Variants in EML4 observed in about 807,000 individuals in gnomAD.
EML4 encodes the protein echinoderm microtubule-associated protein-like 4.
In EML4, 72 loss-of-function variants were observed where a neutral mutation model predicts 129.0. The ratio of observed to expected loss-of-function variants is 0.56; its 90% CI spans 0.46 to 0.68. The LOEUF is 0.68. Ranked by LOEUF, EML4 falls within the 30% of genes least tolerant of loss-of-function variation. The pLI is 0.00. For missense variants in EML4, 1,363 were observed against 1,190.6 expected (o/e 1.14, Z -2.13); for synonymous variants, 532 against 405.0 (o/e 1.31, Z -3.77).
intron 1 of EML4, among the ~76,000 whole-genome samples, chr2:42,170,675 A>G (rs1234927656): frequency 1.3e-5 from 2 of 152,256 alleles, no homozygotes; most frequent in Non-Finnish European, 2.9e-5. Context: ...TGAGAGAAAC[A>G]GTTTCAGCTT....
At chr2:42,229,982 G>T (rs182253114) in intron 1 of EML4, among the ~76,000 whole-genome samples, 1 of 151,406 alleles carries the variant, frequency 6.6e-6, no homozygotes, top group Non-Finnish European at 1.5e-5. Context: ...GAAGAGGAGA[G>T]AGATACCGAT....
intron 19 of EML4, among the ~76,000 whole-genome samples, chr2:42,318,166 T>C (rs1669338554): frequency 6.6e-6 from 1 of 152,204 alleles, no homozygotes; most frequent in Admixed American, 6.5e-5. Flanking sequence ...ACAGTCCAAC[T>C]CAGGCCAGGA....
chr2:42,317,608 T>G, intron 19 of EML4, 84 bp downstream of exon 19: 2 of 873,636 alleles, frequency 2.3e-6, no homozygotes, highest in East Asian at 2.5e-5. Context: ...GATGTGTGTG[T>G]TGTTTCCTGT....
At chr2:42,183,490 A>G (rs1056028177) in intron 1 of EML4, among the ~76,000 whole-genome samples, 1 of 152,194 alleles carries the variant, frequency 6.6e-6, no homozygotes, top group Non-Finnish European at 1.5e-5. Context: ...GGGATACAAA[A>G]CAGGTAGTTA....
chr2:42,257,994 A>G (rs914116997), intron 3 of EML4, among the ~76,000 whole-genome samples: 4 of 152,192 alleles, frequency 2.6e-5, no homozygotes, highest in Non-Finnish European at 5.9e-5. Context: ...TTTTAGTACA[A>G]TTTTAAATAA....
intron 6 of EML4, among the ~76,000 whole-genome samples, chr2:42,271,804 G>A (rs920137489): frequency 1.3e-5 from 2 of 152,132 alleles, no homozygotes; most frequent in Non-Finnish European, 2.9e-5. Context: ...TTCATAGTTA[G>A]AAATCTGTGC....
At position 42,169,607 on chromosome 2, in the gene EML4, GC is replaced by G; in HGVS notation, c.-4del. 6.3e-7 allele frequency: 1 copy of G among 1,598,726 alleles called. No homozygotes were observed. ...AAGCCCGGAGCCCGGCGCTTTCCCC[GC>G]AAGATGGACGGTTTCGCCGGCAGTC... On this transcript the variant is annotated 5_prime_UTR_variant, in exon 1 of 23. Transcript: ENST00000318522.
chr2:42,239,053 G>T (rs1042355420), intron 1 of EML4, among the ~76,000 whole-genome samples: 1 of 152,140 alleles, frequency 6.6e-6, no homozygotes, highest in African/African-American at 2.4e-5. Flanking sequence ...ATAGGCCTGA[G>T]CCATGGTTCT....
At chr2:42,183,042 G>C (rs1270248502) in intron 1 of EML4, among the ~76,000 whole-genome samples, 1 of 152,170 alleles carries the variant, frequency 6.6e-6, no homozygotes, top group East Asian at 1.9e-4. Context: ...TGTGATACCA[G>C]GTATCAGGAG....
chr2:42,279,316 G>T (rs1666869728), intron 6 of EML4, among the ~76,000 whole-genome samples: 1 of 152,144 alleles, frequency 6.6e-6, no homozygotes, highest in Admixed American at 6.5e-5. Flanking sequence ...ACCCAGTAGT[G>T]GGATTGCAGC....
Position 42,304,441 on chromosome 2 carries a change from A to T in EML4, c.1900-43A>T, listed in dbSNP as rs377273966. The T allele has an allele frequency of 1.4e-4, 208 of 1,509,824 alleles. 1 individual carries two copies. The highest frequency in any genetic ancestry group is 5.6e-4 in the Admixed American group (33 of 59,182). The allele number at this position is 1,509,824 out of a possible 1,614,324, so 93.5% of individuals were successfully genotyped here. On this transcript the variant is annotated intron_variant, in intron 16 of 22. Transcript: ENST00000318522. ...TTTTTGCTACTGTCCCCATAGGGAG[A>T]CTTTCTCATGTACTCCCCAACAGCT...
chr2:42,298,885 C>G (rs192295479), intron 13 of EML4, among the ~76,000 whole-genome samples: 9 of 152,286 alleles, frequency 5.9e-5, no homozygotes, highest in Admixed American at 5.9e-4. Flanking sequence ...TCAGGCTACT[C>G]TTGTTAGTTT....
intron 13 of EML4, among the ~76,000 whole-genome samples, chr2:42,296,620 C>G (rs1036527973): frequency 2.8e-4 from 42 of 152,156 alleles, no homozygotes; most frequent in Non-Finnish European, 4.1e-4. Flanking sequence ...TTTCCCTGGG[C>G]TAGCACAGTG....
chr2:42,243,012 A>G (rs1675140812), intron 1 of EML4, among the ~76,000 whole-genome samples: 1 of 152,142 alleles, frequency 6.6e-6, no homozygotes, highest in Admixed American at 6.6e-5. Context: ...TCCTGGGATC[A>G]AGCGATCCGC....
At position 42,303,218 on chromosome 2, in the gene EML4, A is replaced by G. The variant is rs757805894; in HGVS notation, c.1756A>G (p.Ile586Val). ...LRGTFNDGFQ[I>V]EVQGHTDELW... ...AGGAACATTTAATGATGGCTTCCAA[A>G]TAGAAGTACAGGTAAGCTGTGTGAT... Residue 586 changes from isoleucine (I) to valine (V), a missense_variant, in exon 15 of 23, where the codon ATA becomes GTA. Transcript: ENST00000318522. 1 of 1,614,218 alleles carries G rather than the reference A, an allele frequency of 6.2e-7. No individual in the cohort carries two copies. Among genetic ancestry groups the G allele is most frequent in the Non-Finnish European group, 8.5e-7 (1 of 1,180,030 alleles).
At chr2:42,223,258 G>T (rs916572809) in intron 1 of EML4, among the ~76,000 whole-genome samples, 2 of 151,970 alleles carry the variant, frequency 1.3e-5, no homozygotes, top group Admixed American at 1.3e-4. Context: ...TTTCATTTTT[G>T]TAGTGATTAC....
At chr2:42,310,894 TC>T (rs1264408523) in intron 17 of EML4, among the ~76,000 whole-genome samples, 1 of 152,128 alleles carries the variant, frequency 6.6e-6, no homozygotes. Context: ...TAAAACATAG[TC>T]CTTACAATGA....
At chr2:42,220,501 G>A (rs1338783415) in intron 1 of EML4, among the ~76,000 whole-genome samples, 2 of 152,078 alleles carry the variant, frequency 1.3e-5, no homozygotes, top group Non-Finnish European at 2.9e-5. Context: ...TAAATGTTGT[G>A]TGTTCTGACT....
At chr2:42,208,814 C>T (rs1283707702) in intron 1 of EML4, among the ~76,000 whole-genome samples, 2 of 148,752 alleles carry the variant, frequency 1.3e-5, no homozygotes, top group African/African-American at 5.0e-5. Context: ...TTTTCAGACA[C>T]AGAAAGCCAC....
Sources: allele counts gnomAD v4.1 joint callset (sites outside exome capture counted in the v4.1 genomes callset), GRCh38; gene constraint gnomAD v4.1.1; transcripts MANE v1.5; gene names NCBI Gene and HGNC (gene_info 2026-07-23, HGNC 2026-07-21).